The following PBX3 variants were observed in gnomAD, a reference collection of about 807,000 sequenced individuals.
PBX3 encodes the protein PBX homeobox 3, also known as pre-B-cell leukemia transcription factor 3.
In PBX3, 14 loss-of-function variants were observed where a neutral mutation model predicts 48.5. That is an observed-to-expected ratio of 0.29 (90% CI 0.19 to 0.45). The LOEUF (loss-of-function observed/expected upper bound fraction) is 0.45. Ranked by LOEUF, PBX3 falls within the 20% of genes least tolerant of loss-of-function variation. The pLI is 1.00. For missense variants in PBX3, 386 were observed against 546.7 expected (o/e 0.71, Z 2.93); for synonymous variants, 210 against 200.3 (o/e 1.05, Z -0.41).
At chr9:125,939,731 A>T (rs1479441882) in intron 5 of PBX3, among the ~76,000 whole-genome samples, 1 of 152,356 alleles carries the variant, frequency 6.6e-6, no homozygotes, top group South Asian at 2.1e-4. Context: ...ACAATGGAGC[A>T]CTATTCAGCA....
At chr9:125,797,733 A>G (rs970707658) in intron 2 of PBX3, among the ~76,000 whole-genome samples, 1 of 152,264 alleles carries the variant, frequency 6.6e-6, no homozygotes, top group Middle Eastern at 3.4e-3. Context: ...ACAGTACACT[A>G]TTATTAACTA....
At chr9:125,932,896 C>T (rs1841749110) in intron 4 of PBX3, among the ~76,000 whole-genome samples, 1 of 152,166 alleles carries the variant, frequency 6.6e-6, no homozygotes, top group Non-Finnish European at 1.5e-5. Flanking sequence ...AGAGTCTCTT[C>T]TCCCATAGAG....
At chr9:125,803,501 C>G (rs1214937261) in intron 2 of PBX3, among the ~76,000 whole-genome samples, 1 of 152,126 alleles carries the variant, frequency 6.6e-6, no homozygotes, top group African/African-American at 2.4e-5. Flanking sequence ...TCTCCTTTAA[C>G]TTGGAACAAT....
rs574273004 is a variant in PBX3, at chr9:125,820,276, A to G, written c.274+71653A>G. On this transcript the variant is annotated intron_variant, in intron 2 of 8. Coordinates refer to ENST00000373489, the MANE Select transcript of PBX3 (RefSeq NM_006195.6). ...AGACTGGTTGGCTTTGCTTCACCCA[A>G]ATAGATTGTGGTGTGAAACAAGACA... 3.3e-5 allele frequency among the ~76,000 whole-genome samples: 5 copies of G among 152,334 alleles called. No homozygotes were observed. The South Asian group carries it at 1.0e-3, about 32-fold the overall frequency.
At position 125,965,853 on chromosome 9, in the gene PBX3, C is replaced by A. The variant is rs1005332245; in HGVS notation, c.1235C>A (p.Ala412Glu). ...CAGGCTAATGGAGGCTGGCAGGACG[C>A]AACAACTCCATCTTCTGTGACTTCT... is the stretch of plus-strand genomic sequence containing the variant. The part of the protein sequence containing the change: ...NLNANGGWQD[A>E]TTPSSVTSPT... The change falls in exon 9 of 9, where the codon GCA (alanine) becomes GAA (glutamate). Residue 412 changes from alanine to glutamate, a missense_variant. Physicochemically the swap from Ala to Glu is moderately radical, Grantham distance 107. This residue lies in a region of PBX3 where 127 missense variants were observed against 143.3 expected (regional missense o/e 0.89). Coordinates refer to ENST00000373489, the MANE Select transcript of PBX3 (RefSeq NM_006195.6). 4.5e-5 allele frequency: 73 copies of A among 1,613,920 alleles called. No individual in the cohort carries two copies. The highest frequency in any genetic ancestry group is 6.1e-5 in the Non-Finnish European group (72 of 1,179,898).
At chr9:125,953,417 T>C (rs12351249) in intron 5 of PBX3, among the ~76,000 whole-genome samples, 89,220 of 151,300 alleles carry the variant, frequency 0.59, 29,322 homozygotes, top group East Asian at 0.77. Flanking sequence ...GTTGAGGCTG[T>C]GGTGAGCCGT....
chr9:125,765,034 G>T (rs1485309519), intron 2 of PBX3, among the ~76,000 whole-genome samples: 2 of 151,986 alleles, frequency 1.3e-5, no homozygotes, highest in African/African-American at 2.4e-5. Context: ...TATAAACTTT[G>T]AATTACCTTA....
intron 2 of PBX3, among the ~76,000 whole-genome samples, chr9:125,765,003 T>C (rs1383177652): frequency 6.6e-6 from 1 of 152,174 alleles, no homozygotes; most frequent in Non-Finnish European, 1.5e-5. Context: ...AAAATTAAAA[T>C]AAAAGCCTTA....
intron 2 of PBX3, among the ~76,000 whole-genome samples, chr9:125,821,157 G>C (rs10986952): frequency 6.6e-6 from 1 of 151,808 alleles, no homozygotes; most frequent in Non-Finnish European, 1.5e-5. Flanking sequence ...TTTTCTTTTC[G>C]TTACCAATAA....
chr9:125,806,579 G>A (rs1302605023), intron 2 of PBX3, among the ~76,000 whole-genome samples: 1 of 152,160 alleles, frequency 6.6e-6, no homozygotes, highest in Non-Finnish European at 1.5e-5. Flanking sequence ...ATTTGTGATG[G>A]CAGAGCCTGT....
chr9:125,766,430 T>A (rs1836801761), intron 2 of PBX3, among the ~76,000 whole-genome samples: 1 of 152,116 alleles, frequency 6.6e-6, no homozygotes, highest in Non-Finnish European at 1.5e-5. Flanking sequence ...AAACTCCTGG[T>A]AACATGCTTA....
At chr9:125,917,189 T>G in intron 3 of PBX3, among the ~76,000 whole-genome samples, 1 of 152,096 alleles carries the variant, frequency 6.6e-6, no homozygotes, top group Non-Finnish European at 1.5e-5. Flanking sequence ...CCTGGTGAGT[T>G]TTGTGTGTGT....
rs545726710 is a variant in PBX3, at chr9:125,956,113, T to C, written c.844-4571T>C. 2.0e-5 allele frequency among the ~76,000 whole-genome samples: 3 copies of C among 152,328 alleles called. No individual in the cohort carries two copies. The South Asian group carries it at 6.2e-4, about 32-fold the overall frequency. On this transcript the variant is annotated intron_variant, in intron 5 of 8. Coordinates refer to ENST00000373489, the MANE Select transcript of PBX3 (RefSeq NM_006195.6). ...TAATAGCTAATAGTTACCAGGTAAA[T>C]GGTATGTGCCAAAGCCATTAATGCA...
intron 2 of PBX3, chr9:125,749,269 A>G (rs1276626960): frequency 6.6e-6 from 1 of 152,272 alleles, no homozygotes; most frequent in Non-Finnish European, 1.5e-5. Flanking sequence ...TGCAGGTTAA[A>G]CAATTTTGAA....
At chr9:125,956,801 C>T (rs1275156233) in intron 5 of PBX3, among the ~76,000 whole-genome samples, 2 of 152,192 alleles carry the variant, frequency 1.3e-5, no homozygotes, top group Non-Finnish European at 2.9e-5. Context: ...TTCCCTTCAC[C>T]AGTTTCCTGC....
At chr9:125,818,196 T>A (rs1838525163) in intron 2 of PBX3, among the ~76,000 whole-genome samples, 2 of 147,758 alleles carry the variant, frequency 1.4e-5, no homozygotes. Flanking sequence ...AAGCCTTTCG[T>A]CTCAAAAAAA....
At chr9:125,749,780 T>C (rs1836319383) in intron 2 of PBX3, among the ~76,000 whole-genome samples, 1 of 152,094 alleles carries the variant, frequency 6.6e-6, no homozygotes, top group Non-Finnish European at 1.5e-5. Flanking sequence ...TTGAAACAGG[T>C]TTTTCGCTTT....
chr9:125,920,178 G>A (rs1363955033), intron 3 of PBX3, among the ~76,000 whole-genome samples: 1 of 152,018 alleles, frequency 6.6e-6, no homozygotes, highest in Non-Finnish European at 1.5e-5. Context: ...CAAAACTTGC[G>A]GCAAACTGTC....
chr9:125,932,875 G>A (rs1588310925), intron 4 of PBX3, among the ~76,000 whole-genome samples: 2 of 152,198 alleles, frequency 1.3e-5, no homozygotes, highest in African/African-American at 4.8e-5. Context: ...GAGAGTGGCA[G>A]AGCTTGGAGC....
Sources: allele counts gnomAD v4.1 joint callset (sites outside exome capture counted in the v4.1 genomes callset), GRCh38; gene constraint gnomAD v4.1.1; regional missense constraint gnomAD v4.1.1; transcripts MANE v1.5; gene names NCBI Gene and HGNC (gene_info 2026-07-23, HGNC 2026-07-21).